The following LGR4 variants were observed in gnomAD, a reference collection of about 807,000 sequenced individuals.
LGR4 encodes the protein leucine rich repeat containing G protein-coupled receptor 4.
Under a neutral mutation model 84.8 loss-of-function variants are expected in LGR4, and 44 were observed. The observed-to-expected ratio is 0.52, with a 90% CI of 0.41 to 0.67. The LOEUF (loss-of-function observed/expected upper bound fraction) is 0.67, where lower values mean the gene tolerates loss of function less well. Ranked by LOEUF, LGR4 falls within the 30% of genes least tolerant of loss-of-function variation. The pLI, the probability that LGR4 is intolerant of heterozygous loss-of-function variation, is 0.00. For missense variants in LGR4, 1,032 were observed against 1,131.4 expected (o/e 0.91, Z 1.26); for synonymous variants, 429 against 434.3 (o/e 0.99, Z 0.15).
intron 17 of LGR4, among the ~76,000 whole-genome samples, chr11:27,370,656 C>T (rs1368967326): frequency 6.6e-6 from 1 of 152,186 alleles, no homozygotes; most frequent in Admixed American, 6.5e-5. Flanking sequence ...AGCTTTCCTC[C>T]TGGCCAATCT....
chr11:27,414,804 C>T (rs747794885), intron 1 of LGR4, among the ~76,000 whole-genome samples: 1 of 152,068 alleles, frequency 6.6e-6, no homozygotes, highest in African/African-American at 2.4e-5. Flanking sequence ...AGCCATTGTA[C>T]GATAGTGGGC....
At chr11:27,428,950 C>T (rs1265574251) in intron 1 of LGR4, among the ~76,000 whole-genome samples, 1 of 152,024 alleles carries the variant, frequency 6.6e-6, no homozygotes, top group African/African-American at 2.4e-5. Flanking sequence ...GCTGCTGTCA[C>T]CTGGAGACAC....
chr11:27,401,975 A>G (rs1053533279), intron 2 of LGR4, among the ~76,000 whole-genome samples: 1 of 152,204 alleles, frequency 6.6e-6, no homozygotes, highest in Non-Finnish European at 1.5e-5. Context: ...AAGATCAGAG[A>G]AGGCTTCATA....
In LGR4 at chr11:27,391,122, T is replaced by C. The variant is rs760042478; in HGVS notation, c.373A>G (p.Ile125Val). ...NQLKTVPSEA[I>V]RGLSALQSLR... ...GACTGCAAAGCACTCAGCCCTCGAA[T>C]GGCTTCACTGGGTACTGTTTTCAAC... The change falls in exon 4 of 18, where the codon ATT becomes GTT. Residue 125 changes from isoleucine (I) to valine (V), a missense_variant. Transcript: ENST00000379214. 1.9e-6 allele frequency: 3 copies of C among 1,610,290 alleles called. No individual in the cohort carries two copies. The highest frequency in any genetic ancestry group is 2.5e-6 in the Non-Finnish European group (3 of 1,178,084).
chr11:27,459,347 G>GAA (rs1864634304), intron 1 of LGR4, among the ~76,000 whole-genome samples: 2 of 152,130 alleles, frequency 1.3e-5, no homozygotes, highest in African/African-American at 4.8e-5. Flanking sequence ...GAAGGACCCT[G>GAA]ATGAAATGGA....
intron 5 of LGR4, 25 bp from the exon 6 acceptor site, chr11:27,384,432 T>C: frequency 6.5e-7 from 1 of 1,532,750 alleles, no homozygotes; most frequent in Non-Finnish European, 9.0e-7. Context: ...AAGCATAAAA[T>C]GACTTTTCCA....
intron 1 of LGR4, among the ~76,000 whole-genome samples, chr11:27,467,131 T>C (rs553863244): frequency 2.8e-4 from 42 of 152,216 alleles, no homozygotes; most frequent in Non-Finnish European, 3.7e-4. Flanking sequence ...CACTTTTGCC[T>C]GTGAGGCATG....
chr11:27,452,946 A>G (rs1332986000), intron 1 of LGR4, among the ~76,000 whole-genome samples: 2 of 151,988 alleles, frequency 1.3e-5, no homozygotes, highest in Non-Finnish European at 2.9e-5. Flanking sequence ...TGACATACCA[A>G]TTTATTCTGC....
At chr11:27,461,487 T>C (rs1352955954) in intron 1 of LGR4, among the ~76,000 whole-genome samples, 1 of 152,200 alleles carries the variant, frequency 6.6e-6, no homozygotes, top group Non-Finnish European at 1.5e-5. Context: ...AGCCAAATTG[T>C]CCATGATAAG....
chr11:27,472,254 C>G lies in LGR4; in HGVS notation c.49G>C (p.Gly17Arg), dbSNP rs1461440594. 3.8e-6 allele frequency: 5 copies of G among 1,310,720 alleles called. No individual in the cohort carries two copies. The highest frequency in any genetic ancestry group is 3.9e-6 in the Non-Finnish European group (4 of 1,035,850). 81.2% of individuals were successfully genotyped at this position (1,310,720 alleles called of 1,614,324 possible). ...GCCGCGCCGCTGGGCCCGGCCGAGCCGAGCAGCCCCAGGGCGAGGAAGCAG... is the reference window on the plus strand; with the variant it reads ...GCCGCGCCGCTGGGCCCGGCCGAGCGGAGCAGCCCCAGGGCGAGGAAGCAG... ...LLCFLALGLL[G>R]SAGPSGAAPP... The change falls in exon 1 of 18, where the codon GGC (glycine) becomes CGC (arginine). Residue 17 changes from glycine to arginine, a missense_variant. Gly to Arg is a moderately radical substitution (Grantham distance 125). Coordinates refer to ENST00000379214, the MANE Select transcript of LGR4 (RefSeq NM_018490.5).
chr11:27,436,863 T>C lies in LGR4; in HGVS notation c.186-24003A>G, dbSNP rs556335790. Among the ~76,000 whole-genome samples, 24 of 152,162 alleles carry C rather than the reference T, an allele frequency of 1.6e-4. No individual in the cohort carries two copies. The East Asian group carries it at 2.9e-3, about 18-fold the overall frequency. On this transcript the variant is annotated intron_variant, in intron 1 of 17. Coordinates refer to ENST00000379214, the MANE Select transcript of LGR4 (RefSeq NM_018490.5). ...GCAAATCTTGAATCTGTTTGATAGA[T>C]AGGCCCTTAGCTATACCAGTCTTTG...
In LGR4 at chr11:27,368,619, G is replaced by A. The variant is rs893847578; in HGVS notation, c.2104C>T (p.Pro702Ser). Residue 702 changes from proline (P) to serine (S), a missense_variant, in exon 18 of 18, where the codon CCA becomes TCA. By Grantham distance (74) the Pro-to-Ser change is moderately conservative. Coordinates refer to ENST00000379214, the MANE Select transcript of LGR4 (RefSeq NM_018490.5). ...AACGTTACAGTGAATCCTAATGATG[G>A]CGTTTCACCTGTAGGAAATGGCAAA... Reference protein sequence around the residue: ...LCLPFPTGETPSLGFTVTLVL... With the variant: ...LCLPFPTGETSSLGFTVTLVL... 1.9e-6 allele frequency: 3 copies of A among 1,613,858 alleles called. No homozygotes were observed. Among genetic ancestry groups the A allele is most frequent in the Non-Finnish European group, 8.5e-7 (1 of 1,179,934 alleles).
intron 2 of LGR4, among the ~76,000 whole-genome samples, chr11:27,397,300 C>T (rs763035403): frequency 3.3e-5 from 5 of 152,180 alleles, no homozygotes; most frequent in Non-Finnish European, 7.3e-5. Context: ...TTTGATTCCA[C>T]GGGTACCTTA....
chr11:27,391,248 T>C (rs1298171871), intron 3 of LGR4, 83 bp from the exon 4 acceptor site: 10 of 685,680 alleles, frequency 1.5e-5, no homozygotes, highest in Admixed American at 2.8e-5. Flanking sequence ...TTTTTTTTTT[T>C]TTTCAAAAAA....
rs1321685126 is a variant in LGR4, at chr11:27,368,397, A to G, written c.2326T>C (p.Ser776Pro). Residue 776 changes from serine (S) to proline (P), a missense_variant, in exon 18 of 18, where the codon TCT becomes CCT. By Grantham distance (74) the Ser-to-Pro change is moderately conservative. Transcript: ENST00000379214. ...FSFAPLITAI[S>P]ISPEIMKSVT... ...GACTTCATTATTTCGGGGCTGATAG[A>G]GATTGCAGTGATCAATGGTGCAAAT... 4.3e-6 allele frequency: 7 copies of G among 1,614,058 alleles called. No individual in the cohort carries two copies. The Admixed American group carries it at 8.3e-5, about 19-fold the overall frequency.
intron 1 of LGR4, among the ~76,000 whole-genome samples, chr11:27,471,032 C>G (rs1397756798): frequency 2.0e-5 from 3 of 152,202 alleles, no homozygotes; most frequent in Admixed American, 2.0e-4. Context: ...CTTCCTCTCT[C>G]ACACGTTTCT....
intron 1 of LGR4, among the ~76,000 whole-genome samples, chr11:27,426,626 T>C (rs540984386): frequency 6.6e-6 from 1 of 152,206 alleles, no homozygotes; most frequent in African/African-American, 2.4e-5. Context: ...AACACTGCTA[T>C]AAAGATTAGA....
intron 4 of LGR4, among the ~76,000 whole-genome samples, chr11:27,386,935 C>CAAGTACTGGCTACAGAGCGGCA (rs1324886600): frequency 3.9e-5 from 6 of 152,106 alleles, no homozygotes; most frequent in Admixed American, 1.3e-4. Context: ...ACAGACTGGC[C>CAAGTACTGGCTACAGAGCGGCA]AAGTACTGGC....
Position 27,371,642 on chromosome 11 carries a change from T to G in LGR4, c.1552A>C (p.Ile518Leu). Residue 518 changes from isoleucine (I) to leucine (L), a missense_variant, in exon 17 of 18, where the codon ATA becomes CTA. Ile to Leu is a conservative substitution (Grantham distance 5). Coordinates refer to ENST00000379214, the MANE Select transcript of LGR4 (RefSeq NM_018490.5). ...GTTGAAGGTGTACAATGGATAATTATTTGACTATGTTCTTCATTTTCAAGA... is the reference window on the plus strand; with the variant it reads ...GTTGAAGGTGTACAATGGATAATTAGTTGACTATGTTCTTCATTTTCAAGA... ...STLENEEHSQ[I>L]IIHCTPSTGA... 1 of 1,613,482 alleles carries G rather than the reference T, an allele frequency of 6.2e-7. No individual in the cohort carries two copies. The highest frequency in any genetic ancestry group is 8.5e-7 in the Non-Finnish European group (1 of 1,179,568).
Sources: allele counts gnomAD v4.1 joint callset (sites outside exome capture counted in the v4.1 genomes callset), GRCh38; gene constraint gnomAD v4.1.1; transcripts MANE v1.5; gene names NCBI Gene and HGNC (gene_info 2026-07-23, HGNC 2026-07-21).